The following PEMT variants were observed in gnomAD, a reference collection of about 807,000 sequenced individuals.
The protein encoded by PEMT is phosphatidylethanolamine N-methyltransferase.
A neutral mutation model predicts 27.4 loss-of-function variants in PEMT; 23 were observed. The ratio of observed to expected loss-of-function variants is 0.84; its 90% CI spans 0.60 to 1.19. PEMT has a LOEUF of 1.19. Among genes scored for constraint, PEMT ranks in the 50% most tolerant of loss-of-function variants. PEMT has a pLI of 0.00. For missense variants in PEMT, 307 were observed against 310.1 expected, an observed-to-expected ratio of 0.99 and a Z score of 0.07; for synonymous variants, 137 against 139.1, an observed-to-expected ratio of 0.98 and a Z score of 0.11.
chr17:17,517,907 C>G (rs1189949051), intron 3 of PEMT: 1 of 902,346 alleles, frequency 1.1e-6, no homozygotes, highest in Non-Finnish European at 1.3e-6. Flanking sequence ...TGCACCCCAC[C>G]CACCCAGACC....
intron 2 of PEMT, among the ~76,000 whole-genome samples, chr17:17,546,077 A>G (rs1040694695): frequency 6.6e-6 from 1 of 152,040 alleles, no homozygotes; most frequent in Admixed American, 6.5e-5. Context: ...TACCCATCTT[A>G]TGTCCTCAAG....
At chr17:17,562,764 G>T (rs544886909) in intron 2 of PEMT, among the ~76,000 whole-genome samples, 2 of 151,798 alleles carry the variant, frequency 1.3e-5, no homozygotes, top group African/African-American at 4.8e-5. Context: ...AGTGGAGATC[G>T]CACCACTGCA....
At chr17:17,578,653 T>A (rs894241929) in intron 1 of PEMT, 5 of 152,164 alleles carry the variant, frequency 3.3e-5, no homozygotes, top group Non-Finnish European at 2.9e-5. Context: ...GCAGCACATA[T>A]ACTAAAATTG....
chr17:17,529,672 G>A (rs1054071105), intron 2 of PEMT, among the ~76,000 whole-genome samples: 2 of 152,138 alleles, frequency 1.3e-5, no homozygotes, highest in Non-Finnish European at 2.9e-5. Flanking sequence ...GGGGACACTC[G>A]CCTCCCCCAG....
intron 3 of PEMT, among the ~76,000 whole-genome samples, chr17:17,515,934 A>G (rs1906790342): frequency 6.6e-6 from 1 of 152,004 alleles, no homozygotes; most frequent in South Asian, 2.1e-4. Flanking sequence ...AATCCCGGAA[A>G]CCCTGGGGTG....
At chr17:17,553,290 G>A (rs4646380) in intron 2 of PEMT, among the ~76,000 whole-genome samples, 9,115 of 152,286 alleles carry the variant, frequency 0.06, 384 homozygotes, top group East Asian at 0.14. Context: ...CCACCTCACC[G>A]TCCTGGCTCA....
At chr17:17,522,486 G>T in intron 2 of PEMT, 91 bp from the exon 3 acceptor site, 1 of 805,936 alleles carries the variant, frequency 1.2e-6, no homozygotes, top group Non-Finnish European at 2.1e-6. Context: ...TGCTTCCCAG[G>T]CTCCAAAGCC....
chr17:17,544,479 C>T (rs898583991), intron 2 of PEMT, among the ~76,000 whole-genome samples: 2 of 152,026 alleles, frequency 1.3e-5, no homozygotes, highest in Non-Finnish European at 2.9e-5. Flanking sequence ...CAGGGTTTCA[C>T]CATGTTGGCC....
rs558731254 is a variant in PEMT, at chr17:17,574,175, C to T, written c.204+2745G>A. Among the ~76,000 whole-genome samples the T allele has an allele frequency of 1.8e-3, 276 of 151,256 alleles. 1 individual carries two copies. The highest frequency in any genetic ancestry group is 3.1e-3 in the Non-Finnish European group (208 of 67,840). On this transcript the variant is annotated intron_variant, in intron 2 of 6. Transcript: ENST00000255389. ...CCACTTTGAAGAGCTCACTCCCTCT[C>T]CCACCAATGACCACAAACTGTTCCA...
At chr17:17,530,395 T>C (rs1488892495) in intron 2 of PEMT, among the ~76,000 whole-genome samples, 2 of 152,124 alleles carry the variant, frequency 1.3e-5, no homozygotes, top group Non-Finnish European at 2.9e-5. Flanking sequence ...CTTGGGAAGC[T>C]GAGGTGGGAG....
Position 17,582,159 on chromosome 17 carries a change from A to G in PEMT, c.97-5132T>C. 1 of 618,824 alleles carries G rather than the reference A, an allele frequency of 1.6e-6. No homozygotes were observed. The highest frequency in any genetic ancestry group is 2.0e-6 in the Non-Finnish European group (1 of 495,188). The allele number at this position is 618,824 out of a possible 1,614,324, so 38.3% of individuals were successfully genotyped here. A position where few individuals can be genotyped will look rare whatever the true frequency, so the allele number is the denominator to read the frequency against. On this transcript the variant is annotated intron_variant, in intron 1 of 6. Transcript: ENST00000255389. This position sits in a 1 kb window ranked among gnomAD's most constrained non-coding sequence, Gnocchi z 4.9. The stretch of plus-strand genomic sequence containing the variant: ...CTCCCAGCCCCAACCTCCTTCATAC[A>G]ACAGAGGTCCCGGCTTTCTGCTACC...
At chr17:17,569,508 GACAA>G (rs555630808) in intron 2 of PEMT, among the ~76,000 whole-genome samples, 249 of 152,290 alleles carry the variant, frequency 1.6e-3, no homozygotes, top group Middle Eastern at 6.8e-3. Context: ...CTTGGAAGGG[GACAA>G]ACAAAGGCAC....
chr17:17,571,574 C>T (rs905555533), intron 2 of PEMT, among the ~76,000 whole-genome samples: 1 of 152,096 alleles, frequency 6.6e-6, no homozygotes, highest in African/African-American at 2.4e-5. Context: ...GCGGGCAGCA[C>T]CCCAGCCCAA....
At chr17:17,507,660 G>A (rs553570324) in intron 5 of PEMT, 242 of 161,960 alleles carry the variant, frequency 1.5e-3, no homozygotes, top group African/African-American at 4.7e-3. Flanking sequence ...TCTGCCATCT[G>A]TCCCCTGGCA....
chr17:17,582,291 G>T lies in PEMT; in HGVS notation c.97-5264C>A, dbSNP rs73978982. On this transcript the variant is annotated intron_variant, in intron 1 of 6. Coordinates refer to ENST00000255389, the MANE Select transcript of PEMT (RefSeq NM_148172.3). The surrounding 1 kb of genome is among the most constrained non-coding windows in gnomAD (Gnocchi z 4.9). ...CCACGGCCAGGAGGTCTGCTGAGCT[G>T]CAGGAATAGCTCGAGTCCCACAGGT... 8.3e-4 allele frequency: 814 copies of T among 985,522 alleles called. 8 individuals carry two copies. In the African/African-American group the frequency reaches 0.012, roughly 15 times the overall value. 61.0% of individuals were successfully genotyped at this position (985,522 alleles called of 1,614,324 possible).
rs535343853 is a variant in PEMT at position 17,561,594 on chromosome 17, C to T, written c.204+15326G>A. Among the ~76,000 whole-genome samples, 167 of 152,294 alleles carry T rather than the reference C, an allele frequency of 1.1e-3. No homozygotes were observed. The highest frequency in any genetic ancestry group is 3.8e-3 in the African/African-American group (160 of 41,562). ...GCACCACCCACTCCAGGCACCATCC[C>T]GGCCCTTGCAACAGTGAGCCAGGCA... On this transcript the variant is annotated intron_variant, in intron 2 of 6. Transcript: ENST00000255389. The surrounding 1 kb of genome is among the most constrained non-coding windows in gnomAD (Gnocchi z 4.5).
At chr17:17,520,272 G>A (rs1288803438) in intron 3 of PEMT, among the ~76,000 whole-genome samples, 1 of 152,180 alleles carries the variant, frequency 6.6e-6, no homozygotes, top group African/African-American at 2.4e-5. Context: ...TGGCCCAAGA[G>A]GCAGCATGGG....
At chr17:17,591,762 G>A (rs1912603341), upstream of PEMT, 1 of 1,445,090 alleles carries the variant, frequency 6.9e-7, no homozygotes, top group African/African-American at 1.4e-5. Flanking sequence ...GGCCTTCTGG[G>A]AAATGTAGTT....
chr17:17,552,611 A>C (rs1443868977), intron 2 of PEMT, among the ~76,000 whole-genome samples: 1 of 152,250 alleles, frequency 6.6e-6, no homozygotes, highest in East Asian at 1.9e-4. Flanking sequence ...GGAGACCTGC[A>C]GGCTGCAGAA....
Sources: gnomAD v4.1 joint callset for allele counts (sites outside exome capture counted in the v4.1 genomes callset) on GRCh38, gnomAD v4.1.1 for gene constraint, Gnocchi (gnomAD v3.1) non-coding constraint, MANE v1.5 for transcripts, NCBI Gene and HGNC (gene_info 2026-07-23, HGNC 2026-07-21) for gene names.